The following ANKRD16 variants were observed in gnomAD, a reference collection of about 807,000 sequenced individuals.
ANKRD16 encodes ankyrin repeat domain 16.
ANKRD16 carries 35 observed loss-of-function variants against 37.9 expected under a neutral mutation model. That is an observed-to-expected ratio of 0.92 (90% CI 0.71 to 1.23). The LOEUF (loss-of-function observed/expected upper bound fraction) is 1.23, where lower values mean the gene tolerates loss of function less well. Ranked by LOEUF, ANKRD16 falls within the 50% of genes most tolerant of loss-of-function variation. The probability of loss-of-function intolerance (pLI) is 0.00; values close to 1 mark genes in which losing one functional copy is unlikely to be tolerated. For synonymous variants in ANKRD16, 206 were observed against 197.2 expected, an observed-to-expected ratio of 1.04 and a Z score of -0.37; for missense variants, 480 against 469.9, an observed-to-expected ratio of 1.02 and a Z score of -0.20.
At position 5,862,449 on chromosome 10, in the gene ANKRD16, C is replaced by A; in HGVS notation, c.*276G>T. On this transcript the variant is annotated 3_prime_UTR_variant, in exon 8 of 8. Transcript: ENST00000380094. The surrounding 1 kb of genome is among the most constrained non-coding windows in gnomAD (Gnocchi z 6.5). ...ACTATCATCCTCAGACTCTTCCAGT[C>A]AATGGTTGGTGATGTCATCAGCAAC... 4 of 446,294 alleles carry A rather than the reference C, an allele frequency of 9.0e-6. No homozygotes were observed. The highest frequency in any genetic ancestry group is 7.0e-5 in the South Asian group (4 of 57,050). 27.6% of individuals were successfully genotyped at this position (446,294 alleles called of 1,614,324 possible). A position where few individuals can be genotyped will look rare whatever the true frequency, so the allele number is the denominator to read the frequency against.
chr10:5,876,876 AG>A (rs978888866), intron 7 of ANKRD16, among the ~76,000 whole-genome samples: 10 of 152,322 alleles, frequency 6.6e-5, no homozygotes, highest in Middle Eastern at 3.4e-3. Flanking sequence ...AAAAAGGAAA[AG>A]AAAGAAAAGG....
intron 4 of ANKRD16, 72 bp from the exon 5 acceptor site, chr10:5,883,239 C>A: frequency 6.6e-7 from 1 of 1,517,370 alleles, no homozygotes; most frequent in Non-Finnish European, 8.9e-7. Context: ...TGGGCATCTG[C>A]TGGCACTTCA....
chr10:5,876,028 C>A lies in ANKRD16; in HGVS notation c.*33+2069G>T, dbSNP rs144981250. ...CCTCCCAAGTAGCTGGGATTACAGG[C>A]GCATGCCACCACGCCGGGCTAATTG... On this transcript the variant is annotated intron_variant, in intron 7 of 7. Coordinates refer to ENST00000380094, the MANE Select transcript of ANKRD16 (RefSeq NM_019046.3). Among the ~76,000 whole-genome samples, 451 of 152,278 alleles carry A rather than the reference C, an allele frequency of 3.0e-3. 1 individual carries two copies. Among genetic ancestry groups the A allele is most frequent in the African/African-American group, 9.7e-3 (403 of 41,554 alleles).
rs553365760 is a variant in ANKRD16, at chr10:5,869,566, G to A, written c.*34-6875C>T. Among the ~76,000 whole-genome samples the A allele has an allele frequency of 3.9e-5, 6 of 152,134 alleles. No individual in the cohort carries two copies. The highest frequency in any genetic ancestry group is 3.4e-3 in the Middle Eastern group (1 of 294). Reference sequence around the variant, plus strand: ...TGCTTTCCTATTTCACTGAGAAGTCGAAGCACCTAGAAGACAGCTTGGTGT... The same window carrying A: ...TGCTTTCCTATTTCACTGAGAAGTCAAAGCACCTAGAAGACAGCTTGGTGT... On this transcript the variant is annotated intron_variant, in intron 7 of 7. Coordinates refer to ENST00000380094, the MANE Select transcript of ANKRD16 (RefSeq NM_019046.3). The surrounding 1 kb of genome is among the most constrained non-coding windows in gnomAD (Gnocchi z 4.0).
At chr10:5,867,290 C>T (rs1842030047) in intron 7 of ANKRD16, among the ~76,000 whole-genome samples, 1 of 152,208 alleles carries the variant, frequency 6.6e-6, no homozygotes, top group East Asian at 1.9e-4. Context: ...GGAACTCCTT[C>T]AGGACAGGAC....
In ANKRD16 at chr10:5,874,484, G is replaced by C. The variant is rs1388187429; in HGVS notation, c.*33+3613C>G. 6.6e-6 allele frequency among the ~76,000 whole-genome samples: 1 copy of C among 152,182 alleles called. No homozygotes were observed. Among genetic ancestry groups the C allele is most frequent in the Non-Finnish European group, 1.5e-5 (1 of 68,018 alleles). Reference sequence around the variant, plus strand: ...GAGGAGAGTGAGAGAGCTTGGGCAGGAGTCGCAGTAGGGATGGTGTGGAAC... The same window carrying C: ...GAGGAGAGTGAGAGAGCTTGGGCAGCAGTCGCAGTAGGGATGGTGTGGAAC... On this transcript the variant is annotated intron_variant, in intron 7 of 7. Transcript: ENST00000380094. The surrounding 1 kb of genome is among the most constrained non-coding windows in gnomAD (Gnocchi z 4.7).
At position 5,869,566 on chromosome 10, in the gene ANKRD16, G is replaced by C. The variant is rs553365760; in HGVS notation, c.*34-6875C>G. Among the ~76,000 whole-genome samples the C allele has an allele frequency of 1.3e-5, 2 of 152,016 alleles. No individual in the cohort carries two copies. Among genetic ancestry groups the C allele is most frequent in the African/African-American group, 4.8e-5 (2 of 41,358 alleles). ...TGCTTTCCTATTTCACTGAGAAGTC[G>C]AAGCACCTAGAAGACAGCTTGGTGT... On this transcript the variant is annotated intron_variant, in intron 7 of 7. Coordinates refer to ENST00000380094, the MANE Select transcript of ANKRD16 (RefSeq NM_019046.3). This position sits in a 1 kb window ranked among gnomAD's most constrained non-coding sequence, Gnocchi z 4.0.
chr10:5,877,027 G>A (rs1589019128), intron 7 of ANKRD16, among the ~76,000 whole-genome samples: 1 of 152,216 alleles, frequency 6.6e-6, no homozygotes, highest in Non-Finnish European at 1.5e-5. Context: ...GGATGGGACA[G>A]GCCAGAAAAA....
At position 5,861,956 on chromosome 10, in the gene ANKRD16, C is replaced by CAGT. The variant is rs1841948734; in HGVS notation, c.*766_*768dup. 1 of 142,392 alleles carries CAGT rather than the reference C, an allele frequency of 7.0e-6. No individual in the cohort carries two copies. The highest frequency in any genetic ancestry group is 2.7e-5 in the African/African-American group (1 of 36,924). 8.8% of individuals were successfully genotyped at this position (142,392 alleles called of 1,614,324 possible). A position where few individuals can be genotyped will look rare whatever the true frequency, so the allele number is the denominator to read the frequency against. On this transcript the variant is annotated 3_prime_UTR_variant, in exon 8 of 8. Transcript: ENST00000380094. ...TTGCTCTGTTGCCCAGGCTGGAGTG[C>CAGT]AGTGGCGCATATTCGGCTCACTGCA...
In ANKRD16 at chr10:5,874,833, G is replaced by C. The variant is rs1440653437; in HGVS notation, c.*33+3264C>G. Among the ~76,000 whole-genome samples, 1 of 152,172 alleles carries C rather than the reference G, an allele frequency of 6.6e-6. No homozygotes were observed. The highest frequency in any genetic ancestry group is 1.5e-5 in the Non-Finnish European group (1 of 68,036). ...CGACAACGCTTCAGGAGAAAATCCA[G>C]AATGACGGAGATGCTGGAGACAGAA... is the stretch of plus-strand genomic sequence containing the variant. On this transcript the variant is annotated intron_variant, in intron 7 of 7. Coordinates refer to ENST00000380094, the MANE Select transcript of ANKRD16 (RefSeq NM_019046.3). The surrounding 1 kb of genome is among the most constrained non-coding windows in gnomAD (Gnocchi z 4.7).
In ANKRD16 at chr10:5,862,332, T is replaced by C; in HGVS notation, c.*393A>G. ...TTTCATGTTTTTGTGTTTCTTTCTT[T>C]CTGTCGGTGGTTCCTGAGGGTTGTG... On this transcript the variant is annotated 3_prime_UTR_variant, in exon 8 of 8. Coordinates refer to ENST00000380094, the MANE Select transcript of ANKRD16 (RefSeq NM_019046.3). The surrounding 1 kb of genome is among the most constrained non-coding windows in gnomAD (Gnocchi z 6.5). 1 of 420,836 alleles carries C rather than the reference T, an allele frequency of 2.4e-6. No individual in the cohort carries two copies. The highest frequency in any genetic ancestry group is 3.1e-5 in the Admixed American group (1 of 32,258). The allele number at this position is 420,836 out of a possible 1,614,324, so 26.1% of individuals were successfully genotyped here.
rs7079755 is a variant in ANKRD16 at position 5,868,594 on chromosome 10, G to A, written c.*34-5903C>T. ...TGTAAAATGGACCAATCAGCAGGAT[G>A]TGGGTGGGGACAAGTAAGGGAATAA... On this transcript the variant is annotated intron_variant, in intron 7 of 7. Coordinates refer to ENST00000380094, the MANE Select transcript of ANKRD16 (RefSeq NM_019046.3). The surrounding 1 kb of genome is among the most constrained non-coding windows in gnomAD (Gnocchi z 4.9). 0.026 allele frequency among the ~76,000 whole-genome samples: 3,984 copies of A among 152,284 alleles called. 164 individuals carry two copies. Among genetic ancestry groups the A allele is most frequent in the African/African-American group, 0.09 (3,739 of 41,542 alleles).
At position 5,870,298 on chromosome 10, in the gene ANKRD16, G is replaced by A. The variant is rs536864711; in HGVS notation, c.*34-7607C>T. On this transcript the variant is annotated intron_variant, in intron 7 of 7. Coordinates refer to ENST00000380094, the MANE Select transcript of ANKRD16 (RefSeq NM_019046.3). The surrounding 1 kb of genome is among the most constrained non-coding windows in gnomAD (Gnocchi z 5.0). ...GCACCTGCGCAGTGAGGTCAGCTTCGCAGGGGCCCCCAGTGCACCCGCACA... is the reference window on the plus strand; with the variant it reads ...GCACCTGCGCAGTGAGGTCAGCTTCACAGGGGCCCCCAGTGCACCCGCACA... Among the ~76,000 whole-genome samples, 2 of 151,904 alleles carry A rather than the reference G, an allele frequency of 1.3e-5. No individual in the cohort carries two copies. Among genetic ancestry groups the A allele is most frequent in the Non-Finnish European group, 1.5e-5 (1 of 67,962 alleles).
At chr10:5,885,168 G>A (rs1353654551) in intron 3 of ANKRD16, among the ~76,000 whole-genome samples, 4 of 151,944 alleles carry the variant, frequency 2.6e-5, no homozygotes, top group Admixed American at 2.6e-4. Context: ...CCTGGTACAG[G>A]GCTTTATTTA....
chr10:5,884,468 C>T (rs778606753), intron 3 of ANKRD16, among the ~76,000 whole-genome samples: 7 of 152,150 alleles, frequency 4.6e-5, no homozygotes, highest in African/African-American at 1.2e-4. Flanking sequence ...CAGTGGCTCA[C>T]GACTGTAATC....
Position 5,863,976 on chromosome 10 carries a change from G to A in ANKRD16, c.*34-1285C>T, listed in dbSNP as rs1841979180. The stretch of plus-strand genomic sequence containing the variant: ...GCATCTAAGCCATTGGGACCAGTTT[G>A]ACCCACAAACCCTGAAAAAGAGGTG... On this transcript the variant is annotated intron_variant, in intron 7 of 7. Coordinates refer to ENST00000380094, the MANE Select transcript of ANKRD16 (RefSeq NM_019046.3). The surrounding 1 kb of genome is among the most constrained non-coding windows in gnomAD (Gnocchi z 4.7). Among the ~76,000 whole-genome samples the A allele has an allele frequency of 6.6e-6, 1 of 152,198 alleles. No homozygotes were observed.
rs59233524 is a variant in ANKRD16, at chr10:5,870,861, C to A, written c.*33+7236G>T. 0.049 allele frequency among the ~76,000 whole-genome samples: 7,476 copies of A among 152,226 alleles called. 216 individuals are homozygous for A. The highest frequency in any genetic ancestry group is 0.068 in the Middle Eastern group (20 of 294). ...GAACCCTCCTGTTGCTGTGCTCAGG[C>A]CAGAAGCTGCACAGAGCATGGGCCG... On this transcript the variant is annotated intron_variant, in intron 7 of 7. Coordinates refer to ENST00000380094, the MANE Select transcript of ANKRD16 (RefSeq NM_019046.3). The surrounding 1 kb of genome is among the most constrained non-coding windows in gnomAD (Gnocchi z 5.0).
intron 7 of ANKRD16, among the ~76,000 whole-genome samples, chr10:5,867,705 T>A (rs776680064): frequency 6.6e-6 from 1 of 152,118 alleles, no homozygotes; most frequent in African/African-American, 2.4e-5. Flanking sequence ...CCCCTACTTA[T>A]AGGGTTAGGA....
chr10:5,889,480 C>T lies in ANKRD16; in HGVS notation c.-126G>A, dbSNP rs1842556058. The T allele has an allele frequency of 1.6e-6, 1 of 616,102 alleles. No individual in the cohort carries two copies. The highest frequency in any genetic ancestry group is 2.2e-6 in the Non-Finnish European group (1 of 459,026). 38.2% of individuals were successfully genotyped at this position (616,102 alleles called of 1,614,324 possible). On this transcript the variant is annotated 5_prime_UTR_variant, in exon 1 of 8. Transcript: ENST00000380094. ...GCAACCTGCCCCGCGCGCCCCGAACCCGGCAGAACCGCCCCTCACGCCCCC... is the reference window on the plus strand; with the variant it reads ...GCAACCTGCCCCGCGCGCCCCGAACTCGGCAGAACCGCCCCTCACGCCCCC...
Sources: gnomAD v4.1 joint callset for allele counts (sites outside exome capture counted in the v4.1 genomes callset) on GRCh38, gnomAD v4.1.1 for gene constraint, Gnocchi (gnomAD v3.1) non-coding constraint, MANE v1.5 for transcripts, NCBI Gene and HGNC (gene_info 2026-07-23, HGNC 2026-07-21) for gene names.